Variants in ERC1 observed in about 807,000 individuals in gnomAD.
ERC1 encodes ELKS/RAB6-interacting/CAST family member 1.
In ERC1, 56 loss-of-function variants were observed where a neutral mutation model predicts 132.0. The observed-to-expected ratio is 0.42, with a 90% confidence interval of 0.34 to 0.53. The LOEUF (loss-of-function observed/expected upper bound fraction) is 0.53, where lower values mean the gene tolerates loss of function less well. Ranked by LOEUF, ERC1 falls within the 20% of genes least tolerant of loss-of-function variation. ERC1 has a pLI of 0.03. For missense variants in ERC1, 1,202 were observed against 1,349.9 expected (o/e 0.89, Z 1.72); for synonymous variants, 478 against 476.1 (o/e 1.00, Z -0.05).
chr12:1,481,141 T>C (rs2094083192), intron 18 of ERC1, among the ~76,000 whole-genome samples: 1 of 152,256 alleles, frequency 6.6e-6, no homozygotes, highest in African/African-American at 2.4e-5. Context: ...ATTGTTTATT[T>C]CTGGAATTTT....
chr12:1,133,161 T>TG (rs1208728200), intron 7 of ERC1, among the ~76,000 whole-genome samples: 2 of 150,598 alleles, frequency 1.3e-5, no homozygotes, highest in Non-Finnish European at 3.0e-5. Context: ...CCTGGCCGGT[T>TG]TTTTTTTGTT....
At chr12:1,122,617 C>A (rs58911013) in intron 7 of ERC1, among the ~76,000 whole-genome samples, 13 of 6,400 alleles carry the variant, frequency 2.0e-3, no homozygotes, top group African/African-American at 2.4e-3. Context: ...ATCTCTATCT[C>A]TATCTGTGTC....
At position 1,299,711 on chromosome 12, in the gene ERC1, T is replaced by C. The variant is rs553672630; in HGVS notation, c.2780+9699T>C. 9.4e-4 allele frequency among the ~76,000 whole-genome samples: 143 copies of C among 152,064 alleles called. 2 individuals carry two copies. The highest frequency in any genetic ancestry group is 3.4e-3 in the African/African-American group (142 of 41,488). On this transcript the variant is annotated intron_variant, in intron 15 of 18. Transcript: ENST00000360905. ...TCACAAAATTCATAACCGGGTTCTT[T>C]AAAGAATTAAAAAAAAATTGATAGG...
chr12:1,162,796 C>G (rs1028392946), intron 8 of ERC1, among the ~76,000 whole-genome samples: 6 of 151,900 alleles, frequency 3.9e-5, no homozygotes, highest in African/African-American at 1.5e-4. Flanking sequence ...AAATCTTAAC[C>G]CAGCTGTGAA....
chr12:1,303,027 A>T (rs968124633), intron 15 of ERC1, among the ~76,000 whole-genome samples: 2 of 152,298 alleles, frequency 1.3e-5, no homozygotes, highest in South Asian at 2.1e-4. Context: ...GTTGTGTCTT[A>T]AAAAATGTGC....
At chr12:1,447,409 A>G (rs1368994723) in intron 18 of ERC1, among the ~76,000 whole-genome samples, 13 of 151,624 alleles carry the variant, frequency 8.6e-5, no homozygotes, top group Admixed American at 8.5e-4. Flanking sequence ...CCAGCTGCTC[A>G]GGTAGTTAAG....
intron 8 of ERC1, among the ~76,000 whole-genome samples, chr12:1,173,214 T>C: frequency 6.6e-6 from 1 of 152,184 alleles, no homozygotes; most frequent in East Asian, 1.9e-4. Context: ...TATAGGGTGG[T>C]AATTAAGAGT....
At chr12:1,387,849 G>A (rs1486567860) in intron 16 of ERC1, among the ~76,000 whole-genome samples, 1 of 152,236 alleles carries the variant, frequency 6.6e-6, no homozygotes, top group Non-Finnish European at 1.5e-5. Context: ...AACACATGGA[G>A]TAGGTAACAC....
intron 18 of ERC1, among the ~76,000 whole-genome samples, chr12:1,465,390 C>T (rs16928474): frequency 0.062 from 9,483 of 152,168 alleles, 998 homozygotes; most frequent in African/African-American, 0.22. Flanking sequence ...CTTACTGAGA[C>T]GGCCTAGAAA....
intron 14 of ERC1, among the ~76,000 whole-genome samples, chr12:1,274,975 T>C (rs2078161100): frequency 6.6e-6 from 1 of 152,172 alleles, no homozygotes; most frequent in South Asian, 2.1e-4. Flanking sequence ...TCGTGGAGTG[T>C]ACTAAGTCAA....
At chr12:1,405,443 C>T (rs2091415196) in intron 16 of ERC1, among the ~76,000 whole-genome samples, 1 of 152,074 alleles carries the variant, frequency 6.6e-6, no homozygotes, top group Non-Finnish European at 1.5e-5. Flanking sequence ...GTTGCTCACG[C>T]CTGTAATCCC....
chr12:1,490,505 G>C lies in ERC1; in HGVS notation c.*275G>C. ...AACTGCCACCTGGTCATCAGCAGTGGAGAACTGTGGGAGCTGGTGGCTCTG... is the reference window on the plus strand; with the variant it reads ...AACTGCCACCTGGTCATCAGCAGTGCAGAACTGTGGGAGCTGGTGGCTCTG... On this transcript the variant is annotated 3_prime_UTR_variant, in exon 19 of 19. Transcript: ENST00000360905. The C allele has an allele frequency of 2.6e-6, 1 of 391,532 alleles. No homozygotes were observed. Among genetic ancestry groups the C allele is most frequent in the East Asian group, 3.7e-5 (1 of 26,884 alleles). The allele number at this position is 391,532 out of a possible 1,614,324, so 24.3% of individuals were successfully genotyped here. A position where few individuals can be genotyped will look rare whatever the true frequency, so the allele number is the denominator to read the frequency against.
chr12:1,332,211 T>A (rs774761661), intron 15 of ERC1, among the ~76,000 whole-genome samples: 8 of 152,218 alleles, frequency 5.3e-5, no homozygotes, highest in Non-Finnish European at 1.0e-4. Flanking sequence ...CTTTTGAATT[T>A]TTTTATTTTG....
chr12:1,475,289 T>G (rs537044504), intron 18 of ERC1, among the ~76,000 whole-genome samples: 1 of 152,218 alleles, frequency 6.6e-6, no homozygotes, highest in South Asian at 2.1e-4. Flanking sequence ...TTCCCCAGAA[T>G]TAATATCTAT....
intron 17 of ERC1, among the ~76,000 whole-genome samples, chr12:1,428,200 T>C (rs1316526610): frequency 2.6e-5 from 4 of 152,230 alleles, no homozygotes; most frequent in Non-Finnish European, 2.9e-5. Flanking sequence ...ACAAAGTATC[T>C]TTGTACTTTG....
At chr12:1,423,694 T>G (rs1431264700) in intron 17 of ERC1, among the ~76,000 whole-genome samples, 1 of 152,172 alleles carries the variant, frequency 6.6e-6, no homozygotes, top group Admixed American at 6.5e-5. Context: ...CCAACAAAAA[T>G]CGGAGATTTT....
intron 8 of ERC1, among the ~76,000 whole-genome samples, chr12:1,142,722 G>T (rs1949966905): frequency 6.6e-6 from 1 of 152,184 alleles, no homozygotes; most frequent in Non-Finnish European, 1.5e-5. Flanking sequence ...TTCATTGTAA[G>T]TAAAGTCGAA....
chr12:990,898 C>G (rs1240460153), upstream of ERC1, among the ~76,000 whole-genome samples: 2 of 151,854 alleles, frequency 1.3e-5, no homozygotes, highest in African/African-American at 4.8e-5. Flanking sequence ...GCTCGCGGAG[C>G]CGACCCCGGC....
intron 1 of ERC1, among the ~76,000 whole-genome samples, chr12:1,005,229 A>G (rs1321433713): frequency 1.3e-5 from 2 of 151,940 alleles, no homozygotes; most frequent in East Asian, 1.9e-4. Context: ...ATGGCTTACT[A>G]CAGCCTCGAC....
Sources: allele counts gnomAD v4.1 joint callset (sites outside exome capture counted in the v4.1 genomes callset), GRCh38; gene constraint gnomAD v4.1.1; transcripts MANE v1.5; gene names NCBI Gene and HGNC (gene_info 2026-07-23, HGNC 2026-07-21).